Variants in SASS6 observed in about 807,000 individuals in gnomAD.
SASS6 encodes the protein spindle assembly abnormal protein 6 homolog.
Under a neutral mutation model 94.9 loss-of-function variants are expected in SASS6, and 59 were observed. The ratio of observed to expected loss-of-function variants is 0.62; its 90% CI spans 0.50 to 0.77. The LOEUF (loss-of-function observed/expected upper bound fraction) is 0.77, where lower values mean the gene tolerates loss of function less well. SASS6 is among the 30% of genes least tolerant of loss of function. The probability of loss-of-function intolerance (pLI) is 0.00; values close to 1 mark genes in which losing one functional copy is unlikely to be tolerated. For missense variants in SASS6, 698 were observed against 734.1 expected (o/e 0.95, Z 0.57); for synonymous variants, 264 against 270.0 (o/e 0.98, Z 0.22).
chr1:100,092,244 C>T (rs1374328377), intron 14 of SASS6, among the ~76,000 whole-genome samples: 1 of 151,870 alleles, frequency 6.6e-6, no homozygotes, highest in East Asian at 1.9e-4. Flanking sequence ...AAATTTACTG[C>T]TAATTTCTCA....
At chr1:100,115,186 A>T (rs558006664) in intron 7 of SASS6, among the ~76,000 whole-genome samples, 34 of 152,270 alleles carry the variant, frequency 2.2e-4, no homozygotes, top group African/African-American at 8.2e-4. Flanking sequence ...CAATTCCAAA[A>T]CTCTTAGAAA....
intron 13 of SASS6, among the ~76,000 whole-genome samples, chr1:100,103,486 C>A (rs1652657411): frequency 1.3e-5 from 2 of 152,158 alleles, no homozygotes; most frequent in Admixed American, 6.5e-5. Context: ...GATCAGTGTT[C>A]TTAAATGGAC....
chr1:100,094,663 T>C (rs1651985544), intron 14 of SASS6, among the ~76,000 whole-genome samples: 1 of 151,990 alleles, frequency 6.6e-6, no homozygotes, highest in Admixed American at 6.5e-5. Context: ...GCTCAGAAGT[T>C]CAAGACTAGC....
intron 2 of SASS6, among the ~76,000 whole-genome samples, chr1:100,124,468 C>G (rs776761057): frequency 4.6e-5 from 7 of 152,330 alleles, no homozygotes; most frequent in Non-Finnish European, 1.0e-4. Context: ...GCAGCCTCAA[C>G]CTCCCAGTCT....
intron 1 of SASS6, among the ~76,000 whole-genome samples, chr1:100,128,074 T>C (rs1388093665): frequency 6.6e-6 from 1 of 152,134 alleles, no homozygotes; most frequent in Non-Finnish European, 1.5e-5. Flanking sequence ...TTTCGCTCTG[T>C]CACCCAGTCT....
chr1:100,118,919 C>T lies in SASS6; in HGVS notation c.669+99G>A, dbSNP rs115457757. On this transcript the variant is annotated intron_variant, in intron 7 of 16. Transcript: ENST00000287482. ...ATTTTTATTTTATATACTTCTGTAA[C>T]GTTTGGAAAATTTAAAGCAAGCATA... The T allele has an allele frequency of 5.1e-3, 3,832 of 757,540 alleles. 17 individuals are homozygous for T. Among genetic ancestry groups the T allele is most frequent in the Non-Finnish European group, 6.2e-3 (3,127 of 506,362 alleles). 46.9% of individuals were successfully genotyped at this position (757,540 alleles called of 1,614,324 possible).
At chr1:100,099,750 G>C (rs928445818) in intron 14 of SASS6, among the ~76,000 whole-genome samples, 17 of 152,146 alleles carry the variant, frequency 1.1e-4, no homozygotes, top group African/African-American at 3.9e-4. Context: ...GTATTACTGT[G>C]TCTCCTCTCC....
Position 100,119,147 on chromosome 1 carries a change from A to G in SASS6, c.550-10T>C. ...TTTTTTCTGCTAATGTCTACATTAG[A>G]GTTTAACACAAAATATTAAGATAGG... On this transcript the variant is annotated splice_polypyrimidine_tract_variant and intron_variant, in intron 6 of 16. Transcript: ENST00000287482. 1 of 1,452,148 alleles carries G rather than the reference A, an allele frequency of 6.9e-7. No homozygotes were observed. The highest frequency in any genetic ancestry group is 9.4e-7 in the Non-Finnish European group (1 of 1,062,016). The allele number at this position is 1,452,148 out of a possible 1,614,324, so 90.0% of individuals were successfully genotyped here. A position where few individuals can be genotyped will look rare whatever the true frequency, so the allele number is the denominator to read the frequency against.
chr1:100,121,691 A>G, intron 4 of SASS6, 142 bp from the exon 5 acceptor site: 1 of 548,874 alleles, frequency 1.8e-6, no homozygotes, highest in Non-Finnish European at 3.2e-6. Flanking sequence ...ATTGGGCAAA[A>G]AAAAGAAAAG....
intron 14 of SASS6, among the ~76,000 whole-genome samples, chr1:100,093,719 C>T (rs758423948): frequency 5.9e-5 from 9 of 151,998 alleles, no homozygotes; most frequent in Non-Finnish European, 1.0e-4. Context: ...TGCGATCATG[C>T]CACTGTACTC....
In SASS6 at chr1:100,121,486, C is replaced by A. The variant is rs1161552219; in HGVS notation, c.375G>T (p.Val125=). Residue 125 remains valine (V), a synonymous_variant, in exon 5 of 17, where the codon GTG becomes GTT. Transcript: ENST00000287482. ...GATGCTTAAAAGGATTTGTCTCTAC[C>A]ACATTTAAAAATGCAGGTGAGTTAT... ...ILDNSPAFLN[V]VETNPFKHLT... is the part of the protein sequence containing the mutation. The A allele has an allele frequency of 3.1e-6, 5 of 1,597,966 alleles. No homozygotes were observed. The African/African-American group carries it at 4.0e-5, about 13-fold the overall frequency.
chr1:100,102,789 C>T lies in SASS6; in HGVS notation c.1674+166G>A, dbSNP rs116473897. Among the ~76,000 whole-genome samples the T allele has an allele frequency of 3.1e-3, 469 of 151,232 alleles. 4 individuals carry two copies. The highest frequency in any genetic ancestry group is 0.01 in the Middle Eastern group (3 of 294). On this transcript the variant is annotated intron_variant, in intron 14 of 16. Transcript: ENST00000287482. ...CAAGAAATATATAGTGCATATATTT[C>T]CTGTACACATAGATACTAGATATTC...
At chr1:100,117,965 AAAATACAAG>A (rs1653918942) in intron 7 of SASS6, among the ~76,000 whole-genome samples, 1 of 152,192 alleles carries the variant, frequency 6.6e-6, no homozygotes, top group African/African-American at 2.4e-5. Flanking sequence ...ATCTTCACAA[AAAATACAAG>A]AAATATAAAA....
At chr1:100,128,019 TTTTTA>T (rs1654748663) in intron 1 of SASS6, among the ~76,000 whole-genome samples, 1 of 152,046 alleles carries the variant, frequency 6.6e-6, no homozygotes, top group Non-Finnish European at 1.5e-5. Flanking sequence ...TTACAGTTTA[TTTTTA>T]TTTTAATTAT....
chr1:100,093,925 C>G (rs1651936497), intron 14 of SASS6, among the ~76,000 whole-genome samples: 1 of 152,090 alleles, frequency 6.6e-6, no homozygotes, highest in East Asian at 1.9e-4. Context: ...AATCTTCTAC[C>G]TTAAGAAAGT....
chr1:100,113,745 A>G (rs773807272), intron 7 of SASS6, among the ~76,000 whole-genome samples: 87 of 152,160 alleles, frequency 5.7e-4, no homozygotes, highest in Non-Finnish European at 8.4e-4. Flanking sequence ...CGAAAACACT[A>G]AACAATAGAA....
chr1:100,130,407 G>A (rs76654148), intron 1 of SASS6, among the ~76,000 whole-genome samples: 5,027 of 152,288 alleles, frequency 0.033, 304 homozygotes, highest in African/African-American at 0.11. Context: ...TGGGCTGGGC[G>A]TGGTGGCTCA....
rs561261807 is a variant in SASS6, at chr1:100,095,661, T to C, written c.1674+7294A>G. 3.3e-5 allele frequency among the ~76,000 whole-genome samples: 5 copies of C among 152,348 alleles called. No homozygotes were observed. The East Asian group carries it at 9.6e-4, about 29-fold the overall frequency. ...TTTTCAGATGACATAACTGTCTATG[T>C]GGAAAATCCAACAGAATTTACCAAA... On this transcript the variant is annotated intron_variant, in intron 14 of 16. Transcript: ENST00000287482.
chr1:100,085,496 T>C, intron 16 of SASS6, 40 bp downstream of exon 16: 1 of 1,574,604 alleles, frequency 6.4e-7, no homozygotes, highest in Middle Eastern at 1.7e-4. Flanking sequence ...TTAAATTTAA[T>C]TCAACTATAA....
Sources: gnomAD v4.1 joint callset for allele counts (sites outside exome capture counted in the v4.1 genomes callset) on GRCh38, gnomAD v4.1.1 for gene constraint, MANE v1.5 for transcripts, NCBI Gene and HGNC (gene_info 2026-07-23, HGNC 2026-07-21) for gene names.